PNKD: variants seen among roughly 807,000 people sequenced by gnomAD.
The protein encoded by PNKD is PNKD metallo-beta-lactamase domain containing.
In PNKD, 36 loss-of-function variants were observed where a neutral mutation model predicts 45.3. That is an observed-to-expected ratio of 0.80 (90% CI 0.61 to 1.05). The LOEUF (loss-of-function observed/expected upper bound fraction) is 1.05, where lower values mean the gene tolerates loss of function less well. Among genes scored for constraint, PNKD ranks in the 50% least tolerant of loss-of-function variants. The pLI is 0.00. For missense variants in PNKD, 511 were observed against 506.6 expected (o/e 1.01, Z -0.08); for synonymous variants, 197 against 210.1 (o/e 0.94, Z 0.54).
At chr2:218,331,775 T>C (rs2106284176) in intron 2 of PNKD, among the ~76,000 whole-genome samples, 1 of 152,332 alleles carries the variant, frequency 6.6e-6, no homozygotes, top group Admixed American at 6.5e-5. Flanking sequence ...GCCATGCTTT[T>C]GTATTTTTAA....
In PNKD at chr2:218,338,950, G is replaced by A. The variant is rs117066013; in HGVS notation, c.237-833G>A. Among the ~76,000 whole-genome samples the A allele has an allele frequency of 1.6e-3, 237 of 148,656 alleles. 4 individuals carry two copies. The East Asian group carries it at 0.043, about 27-fold the overall frequency. On this transcript the variant is annotated intron_variant, in intron 2 of 9. Coordinates refer to ENST00000273077, the MANE Select transcript of PNKD (RefSeq NM_015488.5). ...TGGGACCACAGGCGTGTGCCACCACGCCCAGCTATTCTTTTTTTTGTGTGT... is the reference window on the plus strand; with the variant it reads ...TGGGACCACAGGCGTGTGCCACCACACCCAGCTATTCTTTTTTTTGTGTGT...
chr2:218,336,140 G>A (rs1385582175), intron 2 of PNKD, among the ~76,000 whole-genome samples: 1 of 147,470 alleles, frequency 6.8e-6, no homozygotes, highest in Non-Finnish European at 1.5e-5. Context: ...ACTTGAACCC[G>A]GGAGGCAGAG....
intron 2 of PNKD, among the ~76,000 whole-genome samples, chr2:218,309,932 T>TA (rs1274963860): frequency 0.055 from 7,447 of 135,260 alleles, 604 homozygotes; most frequent in African/African-American, 0.18. Flanking sequence ...AGATTACGTC[T>TA]AAAAAAAAAA....
chr2:218,323,339 C>A, intron 2 of PNKD: 1 of 1,579,954 alleles, frequency 6.3e-7, no homozygotes, highest in South Asian at 1.1e-5. Flanking sequence ...TCCTTGTCCT[C>A]GTCCTACTTG....
chr2:218,270,598 C>A lies in PNKD; in HGVS notation c.63C>A (p.Leu21=). 1 of 1,048,288 alleles carries A rather than the reference C, an allele frequency of 9.5e-7. No individual in the cohort carries two copies. Among genetic ancestry groups the A allele is most frequent in the Non-Finnish European group, 1.3e-6 (1 of 793,390 alleles). The allele number at this position is 1,048,288 out of a possible 1,614,324, so 64.9% of individuals were successfully genotyped here. A position where few individuals can be genotyped will look rare whatever the true frequency, so the allele number is the denominator to read the frequency against. The change falls in exon 1 of 10, where the codon CTC becomes CTA. Residue 21 remains leucine (L), a synonymous_variant. Transcript: ENST00000273077. ...GGGGGGCGAGAAATGCCCGCGTCCT[C>A]CGGGGTAAGGAGAGGGACCCCGGGG... is the stretch of plus-strand genomic sequence containing the variant. ...KGRGARNARV[L]RGILAGATAN...
intron 2 of PNKD, chr2:218,281,850 T>C: frequency 9.9e-7 from 1 of 1,011,802 alleles, no homozygotes; most frequent in Non-Finnish European, 1.5e-6. Context: ...TAAGGGAAAC[T>C]AGAAGAGAAA....
chr2:218,291,090 CA>C (rs1692900262), intron 2 of PNKD, among the ~76,000 whole-genome samples: 1 of 152,166 alleles, frequency 6.6e-6, no homozygotes. Context: ...CACCCATTCC[CA>C]GGGGAGGAGG....
chr2:218,329,346 G>A (rs1447460673), intron 2 of PNKD, among the ~76,000 whole-genome samples: 2 of 152,216 alleles, frequency 1.3e-5, no homozygotes, highest in African/African-American at 2.4e-5. Flanking sequence ...CTGGGATTGC[G>A]ATGAGCGAGG....
At position 218,342,097 on chromosome 2, in the gene PNKD, G is replaced by T. The variant is rs1187692277; in HGVS notation, c.734G>T (p.Gly245Val). Residue 245 changes from glycine to valine, a missense_variant, in exon 7 of 10, where the codon GGT becomes GTT. By Grantham distance (109) the Gly-to-Val change is moderately radical. Coordinates refer to ENST00000273077, the MANE Select transcript of PNKD (RefSeq NM_015488.5). ...CTACTGGATGGGGAGCCCTACAAGG[G>T]TCCCTCCTGCCTCTTCTCAGGGGAC... ...VYLLDGEPYK[G>V]PSCLFSGDLL... 6.2e-7 allele frequency: 1 copy of T among 1,613,610 alleles called. No individual in the cohort carries two copies. The highest frequency in any genetic ancestry group is 8.5e-7 in the Non-Finnish European group (1 of 1,179,748).
chr2:218,273,056 G>A (rs980429615), intron 2 of PNKD: 6 of 794,140 alleles, frequency 7.6e-6, no homozygotes, highest in Non-Finnish European at 1.1e-5. Flanking sequence ...GGATGGTGGG[G>A]CAAACCCAGA....
chr2:218,304,279 T>C (rs1693354528), intron 2 of PNKD, among the ~76,000 whole-genome samples: 1 of 152,178 alleles, frequency 6.6e-6, no homozygotes, highest in Non-Finnish European at 1.5e-5. Flanking sequence ...CCCAAGTAGC[T>C]GGGATTACAG....
chr2:218,301,657 CGTGCCT>C (rs1693278245), intron 2 of PNKD, among the ~76,000 whole-genome samples: 1 of 152,058 alleles, frequency 6.6e-6, no homozygotes, highest in African/African-American at 2.4e-5. Context: ...CATGGTTGTG[CGTGCCT>C]GTAGTCCCAG....
At chr2:218,293,229 C>G (rs1574670390) in intron 2 of PNKD, among the ~76,000 whole-genome samples, 2 of 152,164 alleles carry the variant, frequency 1.3e-5, no homozygotes, top group Admixed American at 6.5e-5. Context: ...AGGTCTTAAC[C>G]CTCATCTCAG....
intron 2 of PNKD, among the ~76,000 whole-genome samples, chr2:218,333,592 G>A (rs1694392840): frequency 6.6e-6 from 1 of 152,120 alleles, no homozygotes; most frequent in Non-Finnish European, 1.5e-5. Context: ...TCACAGCATT[G>A]CCATGTTATA....
chr2:218,335,549 C>G (rs950513670), intron 2 of PNKD, among the ~76,000 whole-genome samples: 18 of 151,766 alleles, frequency 1.2e-4, no homozygotes, highest in African/African-American at 4.4e-4. Context: ...AGTGAGTTTG[C>G]CTTGCTCAGT....
intron 2 of PNKD, among the ~76,000 whole-genome samples, chr2:218,294,412 G>T (rs138302088): frequency 5.1e-4 from 77 of 152,340 alleles, no homozygotes; most frequent in African/African-American, 1.8e-3. Context: ...TTAGGTGTCT[G>T]ATGAAGGCTC....
At chr2:218,282,695 GGAA>G (rs991348528) in intron 2 of PNKD, among the ~76,000 whole-genome samples, 1 of 152,200 alleles carries the variant, frequency 6.6e-6, no homozygotes, top group Non-Finnish European at 1.5e-5. Flanking sequence ...GAGAGCCGGG[GGAA>G]GAAGTGGAGG....
Position 218,322,740 on chromosome 2 carries a change from C to T in PNKD, c.237-17043C>T, listed in dbSNP as rs577976485. On this transcript the variant is annotated intron_variant, in intron 2 of 9. Coordinates refer to ENST00000273077, the MANE Select transcript of PNKD (RefSeq NM_015488.5). ...TTTGGTTCGTCGCCTCACTAGATTC[C>T]GGACTGTGGGCTCCAGGAATGCAGA... is the stretch of plus-strand genomic sequence containing the variant. Among the ~76,000 whole-genome samples, 328 of 152,360 alleles carry T rather than the reference C, an allele frequency of 2.2e-3. 1 individual carries two copies. The highest frequency in any genetic ancestry group is 3.0e-3 in the Non-Finnish European group (206 of 68,038).
intron 2 of PNKD, chr2:218,287,388 G>A (rs895299902): frequency 6.6e-6 from 1 of 152,288 alleles, no homozygotes; most frequent in Non-Finnish European, 1.5e-5. Context: ...CATTCTCTCA[G>A]TTCTCTAGTG....
Sources: allele counts gnomAD v4.1 joint callset (sites outside exome capture counted in the v4.1 genomes callset), GRCh38; gene constraint gnomAD v4.1.1; transcripts MANE v1.5; gene names NCBI Gene and HGNC (gene_info 2026-07-23, HGNC 2026-07-21).